Variants in XYLB observed in about 807,000 individuals in gnomAD.
XYLB encodes xylulokinase, also known as xylulose kinase.
A neutral mutation model predicts 78.7 loss-of-function variants in XYLB; 62 were observed. That is an observed-to-expected ratio of 0.79 (90% CI 0.64 to 0.97). The LOEUF (loss-of-function observed/expected upper bound fraction) is 0.97, where lower values mean the gene tolerates loss of function less well. XYLB is among the 50% of genes least tolerant of loss of function. XYLB has a pLI of 0.00. For missense variants in XYLB, 687 were observed against 676.8 expected, an observed-to-expected ratio of 1.02 and a Z score of -0.17; for synonymous variants, 245 against 247.4, an observed-to-expected ratio of 0.99 and a Z score of 0.09.
At chr3:38,380,269 A>C (rs1047503816) in intron 15 of XYLB, among the ~76,000 whole-genome samples, 1 of 152,150 alleles carries the variant, frequency 6.6e-6, no homozygotes, top group Non-Finnish European at 1.5e-5. Context: ...GAGAGGGCAG[A>C]CCCAGGGCCG....
intron 2 of XYLB, chr3:38,356,535 T>C (rs1242697612): frequency 6.6e-6 from 1 of 152,218 alleles, no homozygotes; most frequent in African/African-American, 2.4e-5. Flanking sequence ...CATGAATATA[T>C]ATAATATGTG....
intron 18 of XYLB, among the ~76,000 whole-genome samples, chr3:38,409,475 A>C (rs1708480574): frequency 6.6e-6 from 1 of 152,228 alleles, no homozygotes; most frequent in South Asian, 2.1e-4. Context: ...GAAAACTGGC[A>C]CAAGACAGGG....
chr3:38,384,505 G>C (rs372519788), intron 15 of XYLB, among the ~76,000 whole-genome samples: 3 of 152,248 alleles, frequency 2.0e-5, no homozygotes, highest in Non-Finnish European at 4.4e-5. Context: ...AAGCTGAGAG[G>C]TGGGGGCTGA....
the XYLB span, among the ~76,000 whole-genome samples, chr3:38,429,785 C>T: frequency 6.6e-6 from 1 of 152,162 alleles, no homozygotes; most frequent in Non-Finnish European, 1.5e-5. Flanking sequence ...CAATTCCCAC[C>T]TATGAGTGAG....
the XYLB span, among the ~76,000 whole-genome samples, chr3:38,442,779 C>G: frequency 8.0e-6 from 1 of 125,100 alleles, no homozygotes; most frequent in Non-Finnish European, 1.6e-5. Flanking sequence ...CTAACAATAT[C>G]CTGTAATCCT....
intron 2 of XYLB, chr3:38,356,479 A>G (rs554089605): frequency 5.4e-4 from 83 of 152,310 alleles, no homozygotes; most frequent in African/African-American, 1.8e-3. Context: ...GGCAACCACA[A>G]TCAACTCTCT....
chr3:38,353,854 T>C (rs1705498519), intron 2 of XYLB, among the ~76,000 whole-genome samples: 1 of 140,544 alleles, frequency 7.1e-6, no homozygotes, highest in African/African-American at 2.6e-5. Context: ...GCCACTGCAT[T>C]CCAGCCTGGG....
At chr3:38,364,819 C>T (rs1459910128) in intron 4 of XYLB, among the ~76,000 whole-genome samples, 2 of 152,160 alleles carry the variant, frequency 1.3e-5, no homozygotes, top group Non-Finnish European at 2.9e-5. Flanking sequence ...GCAAGCCTGG[C>T]ATGATCTATG....
intron 1 of XYLB, 133 bp downstream of exon 1, chr3:38,347,058 C>A: frequency 1.1e-6 from 1 of 872,522 alleles, no homozygotes; most frequent in Non-Finnish European, 1.5e-6. Context: ...CTTCCCGGGG[C>A]CCCCGCGCCC....
At chr3:38,382,898 TGCTGA>T (rs1707217653) in intron 15 of XYLB, among the ~76,000 whole-genome samples, 1 of 152,262 alleles carries the variant, frequency 6.6e-6, no homozygotes, top group South Asian at 2.1e-4. Flanking sequence ...CTTGCCGCTC[TGCTGA>T]GTGATCACTT....
chr3:38,429,810 G>A, the XYLB span, among the ~76,000 whole-genome samples: 1 of 152,096 alleles, frequency 6.6e-6, no homozygotes, highest in African/African-American at 2.4e-5. Context: ...TGTGGTGTTT[G>A]GTTTTCTGTC....
chr3:38,446,940 G>T, the XYLB span, among the ~76,000 whole-genome samples: 4 of 152,224 alleles, frequency 2.6e-5, no homozygotes, highest in South Asian at 6.2e-4. Flanking sequence ...AAACTAAAAG[G>T]CTTCTGCAAA....
chr3:38,373,806 T>C (rs891520975), intron 10 of XYLB, among the ~76,000 whole-genome samples: 3 of 152,206 alleles, frequency 2.0e-5, no homozygotes, highest in African/African-American at 7.2e-5. Flanking sequence ...GTGCCTATTA[T>C]GTGCCAGGCC....
rs548828977 is a variant in XYLB, at chr3:38,413,054, C to T, written c.*41C>T. 3 of 1,551,902 alleles carry T rather than the reference C, an allele frequency of 1.9e-6. No homozygotes were observed. Among genetic ancestry groups the T allele is most frequent in the African/African-American group, 1.4e-5 (1 of 71,182 alleles). On this transcript the variant is annotated 3_prime_UTR_variant, in exon 19 of 19. Coordinates refer to ENST00000207870, the MANE Select transcript of XYLB (RefSeq NM_005108.4). The stretch of plus-strand genomic sequence containing the variant: ...GCCCCTGCCTGCCCAGATTTACTGA[C>T]CCCATTTGTCGACATGGCCCCAGAC...
chr3:38,420,250 A>G (rs1180368331), exon 18 of XYLB, among the ~76,000 whole-genome samples: 1 of 152,226 alleles, frequency 6.6e-6, no homozygotes, highest in East Asian at 1.9e-4. Context: ...ATAAAAACAA[A>G]GACAGTTTTC....
At chr3:38,370,367 C>A in intron 9 of XYLB, 193 bp downstream of exon 9, 1 of 552,800 alleles carries the variant, frequency 1.8e-6, no homozygotes, top group South Asian at 2.5e-5. Context: ...CAGTGCCTTG[C>A]ACACAGTAGG....
At chr3:38,425,526 C>T (rs1305653001), downstream of XYLB, among the ~76,000 whole-genome samples, 2 of 152,162 alleles carry the variant, frequency 1.3e-5, no homozygotes, top group African/African-American at 4.8e-5. Context: ...TTTGAGCCTG[C>T]CTAAAGGCCG....
At position 38,360,405 on chromosome 3, in the gene XYLB, C is replaced by T. The variant is rs752863415; in HGVS notation, c.207C>T (p.Val69=). Residue 69 remains valine, a synonymous_variant, in exon 3 of 19, where the codon GTC becomes GTT. Transcript: ENST00000207870. ...TCACTTCTCCAGTACTAATGTGGGT[C>T]CAGGTAAGCGCAGGGATTCCTATTC... ...LTVTSPVLMW[V]QALDIILEKM... is the part of the protein sequence containing the mutation. 52 of 1,597,744 alleles carry T rather than the reference C, an allele frequency of 3.3e-5. No homozygotes were observed. The East Asian group carries it at 1.2e-3, about 36-fold the overall frequency.
intron 18 of XYLB, among the ~76,000 whole-genome samples, chr3:38,409,037 A>G (rs554390918): frequency 7.9e-5 from 12 of 152,316 alleles, no homozygotes; most frequent in South Asian, 6.2e-4. Context: ...CTCATTTTAT[A>G]AGGCCAGCAG....
Sources: gnomAD v4.1 joint callset for allele counts (sites outside exome capture counted in the v4.1 genomes callset) on GRCh38, gnomAD v4.1.1 for gene constraint, MANE v1.5 for transcripts, NCBI Gene and HGNC (gene_info 2026-07-23, HGNC 2026-07-21) for gene names.